Variants in PRDM6 observed in about 807,000 individuals in gnomAD.
PRDM6 encodes putative histone-lysine N-methyltransferase PRDM6.
In PRDM6, 25 loss-of-function variants were observed where a neutral mutation model predicts 60.8. That is an observed-to-expected ratio of 0.41 (90% CI 0.30 to 0.57). PRDM6 has a LOEUF of 0.57. PRDM6 is among the 20% of genes least tolerant of loss of function. The pLI is 0.27. For missense variants in PRDM6, 839 were observed against 821.3 expected (o/e 1.02, Z -0.26); for synonymous variants, 407 against 357.4 (o/e 1.14, Z -1.57).
At chr5:123,091,928 C>G (rs1414485963) in intron 2 of PRDM6, among the ~76,000 whole-genome samples, 1 of 143,478 alleles carries the variant, frequency 7.0e-6, no homozygotes, top group Non-Finnish European at 1.6e-5. Context: ...TTCCCTAAGT[C>G]GTTGATTTGA....
chr5:123,115,278 T>C (rs1209389817), intron 3 of PRDM6, among the ~76,000 whole-genome samples: 1 of 152,180 alleles, frequency 6.6e-6, no homozygotes, highest in Non-Finnish European at 1.5e-5. Flanking sequence ...CACTCCTAAA[T>C]GTGTTGCATC....
chr5:123,137,574 G>A (rs926907519), intron 3 of PRDM6, among the ~76,000 whole-genome samples: 2 of 152,148 alleles, frequency 1.3e-5, no homozygotes, highest in Admixed American at 1.3e-4. Context: ...TCACTCGTAA[G>A]TGGGAGTTGA....
intron 3 of PRDM6, among the ~76,000 whole-genome samples, chr5:123,154,156 AAAAC>A (rs1451148791): frequency 2.0e-5 from 3 of 152,346 alleles, no homozygotes; most frequent in East Asian, 3.9e-4. Context: ...AACAAAAACA[AAAAC>A]AAAACCCCAC....
intron 6 of PRDM6, among the ~76,000 whole-genome samples, chr5:123,179,046 A>G (rs974403653): frequency 2.6e-5 from 4 of 152,216 alleles, no homozygotes; most frequent in African/African-American, 9.6e-5. Flanking sequence ...TTGATAAACA[A>G]ATTAGAATCC....
At chr5:123,108,743 G>A (rs1041068345) in intron 3 of PRDM6, among the ~76,000 whole-genome samples, 4 of 151,968 alleles carry the variant, frequency 2.6e-5, no homozygotes, top group African/African-American at 9.7e-5. Flanking sequence ...ACTATGTAAG[G>A]GTATAAAGCA....
At chr5:123,134,562 C>A (rs1379078993) in intron 3 of PRDM6, among the ~76,000 whole-genome samples, 2 of 152,068 alleles carry the variant, frequency 1.3e-5, no homozygotes, top group Non-Finnish European at 2.9e-5. Flanking sequence ...TAAATTATAG[C>A]ACACACAGAA....
chr5:123,090,645 C>A (rs555964161), intron 2 of PRDM6, 39 bp downstream of exon 2: 1 of 446,600 alleles, frequency 2.2e-6, no homozygotes, highest in Non-Finnish European at 3.1e-6. Flanking sequence ...CCCGGGGCGC[C>A]GGCGCCGGCG....
chr5:123,170,858 C>T lies in PRDM6; in HGVS notation c.1246C>T (p.Gln416Ter). Residue 416 changes from glutamine (Q) to a stop codon, truncating the protein, a stop_gained, in exon 6 of 8, where the codon CAG becomes TAG. Transcript: ENST00000407847. LOFTEE classifies it high-confidence loss of function. ...KSSKLAPTTQ[Q>*]RSVVFPQTPC... Reference sequence around the variant, plus strand: ...CAGCAAACTCGCCCCTACCACCCAGCAGCGCTCCGTTGTTTTCCCCCAGAC... The same window carrying T: ...CAGCAAACTCGCCCCTACCACCCAGTAGCGCTCCGTTGTTTTCCCCCAGAC... 6.4e-7 allele frequency: 1 copy of T among 1,552,272 alleles called. No individual in the cohort carries two copies. Among genetic ancestry groups the T allele is most frequent in the Non-Finnish European group, 8.7e-7 (1 of 1,147,118 alleles).
At chr5:123,153,470 A>T (rs1765419464) in intron 3 of PRDM6, among the ~76,000 whole-genome samples, 1 of 152,134 alleles carries the variant, frequency 6.6e-6, no homozygotes, top group African/African-American at 2.4e-5. Context: ...CTGGGTATGT[A>T]GTCGTGGGGT....
chr5:123,115,849 C>A (rs975490088), intron 3 of PRDM6, among the ~76,000 whole-genome samples: 2 of 152,130 alleles, frequency 1.3e-5, no homozygotes, highest in African/African-American at 4.8e-5. Context: ...CTCCTCCTTT[C>A]CCTGATCCCT....
intron 3 of PRDM6, among the ~76,000 whole-genome samples, chr5:123,139,795 A>G (rs1765057909): frequency 6.6e-6 from 1 of 152,150 alleles, no homozygotes; most frequent in Non-Finnish European, 1.5e-5. Context: ...GAATTGAAAG[A>G]TATCAGAGAT....
At chr5:123,122,721 G>A (rs1764608013) in intron 3 of PRDM6, among the ~76,000 whole-genome samples, 1 of 152,082 alleles carries the variant, frequency 6.6e-6, no homozygotes, top group African/African-American at 2.4e-5. Flanking sequence ...AATGTCTCTA[G>A]TTGGAGGTAA....
intron 5 of PRDM6, among the ~76,000 whole-genome samples, chr5:123,166,479 A>G (rs1376056543): frequency 6.6e-6 from 1 of 151,938 alleles, no homozygotes; most frequent in Non-Finnish European, 1.5e-5. Flanking sequence ...ATCTTTCTGA[A>G]ACTGGCAAGT....
intron 2 of PRDM6, among the ~76,000 whole-genome samples, chr5:123,094,756 A>G (rs1329728459): frequency 6.6e-6 from 1 of 152,116 alleles, no homozygotes; most frequent in Non-Finnish European, 1.5e-5. Flanking sequence ...CCTATTCATC[A>G]TCTCCGCATT....
At chr5:123,181,423 G>T (rs1368415875) in intron 7 of PRDM6, among the ~76,000 whole-genome samples, 1 of 152,184 alleles carries the variant, frequency 6.6e-6, no homozygotes, top group Non-Finnish European at 1.5e-5. Flanking sequence ...GACATACGGG[G>T]CATGGGGGAA....
At chr5:123,163,892 C>G (rs1765689296) in intron 5 of PRDM6, among the ~76,000 whole-genome samples, 1 of 152,146 alleles carries the variant, frequency 6.6e-6, no homozygotes, top group Non-Finnish European at 1.5e-5. Context: ...TAAACCCTGC[C>G]TGGAGGAGCC....
intron 3 of PRDM6, among the ~76,000 whole-genome samples, chr5:123,109,529 A>C (rs1165977682): frequency 1.3e-5 from 2 of 152,206 alleles, no homozygotes; most frequent in Non-Finnish European, 2.9e-5. Flanking sequence ...TTTGGATTTA[A>C]TTACTTACTA....
chr5:123,176,132 A>ATACT (rs1766002258), intron 6 of PRDM6, among the ~76,000 whole-genome samples: 1 of 152,234 alleles, frequency 6.6e-6, no homozygotes, highest in Admixed American at 6.5e-5. Context: ...ATTAAGTAAA[A>ATACT]TAGTACTTCA....
intron 7 of PRDM6, among the ~76,000 whole-genome samples, chr5:123,185,241 C>T (rs1314322790): frequency 1.3e-5 from 2 of 152,100 alleles, no homozygotes; most frequent in Non-Finnish European, 2.9e-5. Flanking sequence ...AACCATGACC[C>T]AGGCACATTT....
Sources: gnomAD v4.1 joint callset for allele counts (sites outside exome capture counted in the v4.1 genomes callset) on GRCh38, gnomAD v4.1.1 for gene constraint, MANE v1.5 for transcripts, NCBI Gene and HGNC (gene_info 2026-07-23, HGNC 2026-07-21) for gene names.